CCDC33: variants seen among roughly 807,000 people sequenced by gnomAD.
CCDC33 encodes coiled-coil domain-containing protein 33.
In CCDC33, 94 loss-of-function variants were observed where a neutral mutation model predicts 91.9. The observed-to-expected ratio is 1.02, with a 90% CI of 0.87 to 1.21. The LOEUF is 1.21. CCDC33 is among the 50% of genes most tolerant of loss of function. The pLI is 0.00. For synonymous variants in CCDC33, 396 were observed against 374.5 expected (o/e 1.06, Z -0.66); for missense variants, 940 against 935.5 (o/e 1.00, Z -0.06).
chr15:74,297,628 A>G (rs376683362), intron 11 of CCDC33, among the ~76,000 whole-genome samples: 2 of 152,332 alleles, frequency 1.3e-5, no homozygotes, highest in African/African-American at 4.8e-5. Flanking sequence ...TGGGAGGTCA[A>G]GGTTGCAGTG....
At position 74,263,668 on chromosome 15, in the gene CCDC33, C is replaced by T. The variant is rs575631636; in HGVS notation, c.319+1095C>T. On this transcript the variant is annotated intron_variant, in intron 3 of 18. Coordinates refer to ENST00000398814, the MANE Select transcript of CCDC33 (RefSeq NM_025055.5). ...CTAGGATTTCATGCAGAGGCACATG[C>T]GTGCCTGTGTGTGCATGTCTTTGTG... 2.2e-4 allele frequency among the ~76,000 whole-genome samples: 33 copies of T among 152,332 alleles called. No homozygotes were observed. In the South Asian group the frequency reaches 5.0e-3, roughly 23 times the overall value.
chr15:74,335,375 A>G (rs952403180), intron 18 of CCDC33: 2 of 593,708 alleles, frequency 3.4e-6, no homozygotes, highest in Non-Finnish European at 3.0e-6. Context: ...CCATGCAGGC[A>G]TCTCCAGGAT....
chr15:74,285,314 T>G (rs1333529894), intron 10 of CCDC33, among the ~76,000 whole-genome samples: 1 of 152,204 alleles, frequency 6.6e-6, no homozygotes, highest in East Asian at 1.9e-4. Flanking sequence ...TTCTCAGAGC[T>G]TTCAGAAGCA....
chr15:74,275,515 G>A (rs961455121), intron 7 of CCDC33, among the ~76,000 whole-genome samples: 2 of 152,126 alleles, frequency 1.3e-5, no homozygotes, highest in Non-Finnish European at 2.9e-5. Context: ...ATCAACTCAC[G>A]ACATAGAATG....
chr15:74,313,415 CTTTTTTTTTT>C (rs35519774), intron 11 of CCDC33, among the ~76,000 whole-genome samples: 1 of 94,182 alleles, frequency 1.1e-5, no homozygotes, highest in Non-Finnish European at 1.9e-5. Flanking sequence ...TTCTTTCTTT[CTTTTTTTTTT>C]TTTTTTTTTT....
rs149536848 is a variant in CCDC33 at position 74,304,108 on chromosome 15, G to C, written c.1290+8160G>C. ...GTTTGTGTTCCATCTCCACCACTCC[G>C]AAGCTGTGTGACCTTGGATAAATCA... On this transcript the variant is annotated intron_variant, in intron 11 of 18. Coordinates refer to ENST00000398814, the MANE Select transcript of CCDC33 (RefSeq NM_025055.5). 1,422 of 152,304 alleles carry C rather than the reference G, an allele frequency of 9.3e-3. 16 individuals are homozygous for C. Among genetic ancestry groups the C allele is most frequent in the Middle Eastern group, 0.051 (15 of 294 alleles). The allele number at this position is 152,304 out of a possible 1,614,324, so 9.4% of individuals were successfully genotyped here.
intron 2 of CCDC33, among the ~76,000 whole-genome samples, chr15:74,211,503 C>T (rs923039031): frequency 4.7e-5 from 7 of 149,522 alleles, no homozygotes; most frequent in Non-Finnish European, 1.0e-4. Flanking sequence ...TGGGTTCAAG[C>T]GATTCTCCTG....
intron 2 of CCDC33, among the ~76,000 whole-genome samples, chr15:74,210,322 C>T (rs1271083082): frequency 6.6e-6 from 1 of 152,240 alleles, no homozygotes; most frequent in East Asian, 1.9e-4. Flanking sequence ...TAAGTTGACA[C>T]ACTGAAGTAC....
intron 8 of CCDC33, 41 bp downstream of exon 8, chr15:74,280,133 A>C (rs771294414): frequency 3.7e-6 from 6 of 1,610,584 alleles, no homozygotes; most frequent in Non-Finnish European, 4.2e-6. Flanking sequence ...GCCATGCCTC[A>C]GGAGATCTGT....
At chr15:74,278,180 T>C (rs1163341416) in intron 7 of CCDC33, among the ~76,000 whole-genome samples, 2 of 152,094 alleles carry the variant, frequency 1.3e-5, no homozygotes, top group African/African-American at 4.8e-5. Flanking sequence ...CTGCAACCCA[T>C]CTCCCCAGGG....
rs760643974 is a variant in CCDC33, at chr15:74,244,075, A to G, written c.112A>G (p.Met38Val). ...GTCTCCCTCTAAGAAGGAGACCATC[A>G]TGGTCACCCTCCATGGGGCTACCAA... is the stretch of plus-strand genomic sequence containing the variant. ...HLSPSKKETIMVTLHGATNLP... is the reference protein window; with the variant it reads ...HLSPSKKETIVVTLHGATNLP... The change falls in exon 2 of 19, where the codon ATG (methionine) becomes GTG (valine). Residue 38 changes from methionine (M) to valine (V), a missense_variant. By Grantham distance (21) the Met-to-Val change is conservative. Transcript: ENST00000398814. The surrounding 1 kb of genome is among the most constrained non-coding windows in gnomAD (Gnocchi z 4.2). 3 of 1,613,806 alleles carry G rather than the reference A, an allele frequency of 1.9e-6. No homozygotes were observed. The highest frequency in any genetic ancestry group is 1.3e-5 in the African/African-American group (1 of 74,954).
chr15:74,218,612 C>T lies in CCDC33; in HGVS notation c.426C>T (p.Tyr142=), dbSNP rs770139964. 2 of 1,289,754 alleles carry T rather than the reference C, an allele frequency of 1.6e-6. No individual in the cohort carries two copies. Among genetic ancestry groups the T allele is most frequent in the South Asian group, 1.2e-5 (1 of 81,028 alleles). 79.9% of individuals were successfully genotyped at this position (1,289,754 alleles called of 1,614,324 possible). Residue 142 remains tyrosine, a synonymous_variant, in exon 2 of 3, where the codon TAC becomes TAT. Transcript: ENST00000635913. The surrounding 1 kb of genome is among the most constrained non-coding windows in gnomAD (Gnocchi z 4.8). ...TGGGTGAGGCCATCTTCCCCATCTA[C>T]CCGAGGCCAGACCAACCCCGCATGA... is the stretch of plus-strand genomic sequence containing the variant.
At chr15:74,318,514 G>T (rs1056708169) in intron 11 of CCDC33, 3 of 644,358 alleles carry the variant, frequency 4.7e-6, no homozygotes, top group Non-Finnish European at 5.6e-6. Flanking sequence ...GGCTGGGCTT[G>T]GTCACCAGGC....
intron 10 of CCDC33, among the ~76,000 whole-genome samples, chr15:74,289,154 G>A (rs1044954151): frequency 2.0e-5 from 3 of 152,186 alleles, no homozygotes; most frequent in Non-Finnish European, 2.9e-5. Flanking sequence ...CATCCATAAG[G>A]ACATCAGGAG....
chr15:74,242,484 C>T (rs1402067187), intron 1 of CCDC33, among the ~76,000 whole-genome samples: 1 of 152,234 alleles, frequency 6.6e-6, no homozygotes, highest in African/African-American at 2.4e-5. Flanking sequence ...AATGCAGGGT[C>T]TGACAGGCTG....
chr15:74,332,305 C>A (rs771990056), intron 15 of CCDC33, among the ~76,000 whole-genome samples: 3 of 152,156 alleles, frequency 2.0e-5, no homozygotes, highest in East Asian at 1.9e-4. Flanking sequence ...GCTGGGCTGG[C>A]CTTTCAGGAA....
intron 2 of CCDC33, among the ~76,000 whole-genome samples, chr15:74,250,199 C>T (rs767332253): frequency 6.6e-6 from 1 of 152,204 alleles, no homozygotes; most frequent in Non-Finnish European, 1.5e-5. Flanking sequence ...CTCTTGGTTC[C>T]TCTACTCTTG....
chr15:74,210,733 A>C (rs1416063348), intron 2 of CCDC33, among the ~76,000 whole-genome samples: 1 of 152,208 alleles, frequency 6.6e-6, no homozygotes, highest in Non-Finnish European at 1.5e-5. Context: ...CCAATATTGC[A>C]CACTTCCCAG....
chr15:74,254,744 CTTTTTTTTT>C (rs756927130), intron 2 of CCDC33, among the ~76,000 whole-genome samples: 4 of 126,416 alleles, frequency 3.2e-5, no homozygotes, highest in African/African-American at 1.2e-4. Context: ...TACCCTCCTT[CTTTTTTTTT>C]TTTTTTTTTT....
Sources: allele counts gnomAD v4.1 joint callset (sites outside exome capture counted in the v4.1 genomes callset), GRCh38; gene constraint gnomAD v4.1.1; non-coding constraint Gnocchi (gnomAD v3.1); transcripts MANE v1.5; gene names NCBI Gene and HGNC (gene_info 2026-07-23, HGNC 2026-07-21).